Variants in SPATA6 observed in about 807,000 individuals in gnomAD.
SPATA6 encodes spermatogenesis associated 6, also known as spermatogenesis-associated protein 6.
Under a neutral mutation model 65.3 loss-of-function variants are expected in SPATA6, and 56 were observed. That is an observed-to-expected ratio of 0.86 (90% confidence interval 0.69 to 1.07). SPATA6 has a LOEUF of 1.07. SPATA6 is among the 50% of genes least tolerant of loss of function. The pLI is 0.00. For synonymous variants in SPATA6, 199 were observed against 213.2 expected (o/e 0.93, Z 0.58); for missense variants, 590 against 594.8 (o/e 0.99, Z 0.08).
At chr1:48,411,814 A>G (rs140909041) in intron 4 of SPATA6, among the ~76,000 whole-genome samples, 160 of 152,180 alleles carry the variant, frequency 1.1e-3, no homozygotes, top group African/African-American at 3.8e-3. Context: ...TCCAACATTT[A>G]TATGTCAGTT....
the SPATA6 span, among the ~76,000 whole-genome samples, chr1:48,269,434 G>T: frequency 6.6e-6 from 1 of 152,102 alleles, no homozygotes; most frequent in Non-Finnish European, 1.5e-5. Flanking sequence ...GAAATCCAGG[G>T]TCTGTTCAAC....
chr1:48,340,637 A>C (rs892255282), intron 11 of SPATA6, among the ~76,000 whole-genome samples: 1 of 151,922 alleles, frequency 6.6e-6, no homozygotes, highest in Non-Finnish European at 1.5e-5. Flanking sequence ...ATAAAGTATG[A>C]AGGAGATAAA....
intron 5 of SPATA6, among the ~76,000 whole-genome samples, chr1:48,406,934 T>C (rs936848254): frequency 2.6e-5 from 4 of 152,196 alleles, no homozygotes; most frequent in Admixed American, 6.5e-5. Flanking sequence ...GACTTACAGA[T>C]GATTATGCAG....
Position 48,435,146 on chromosome 1 carries a change from A to T in SPATA6, c.238+16406T>A, listed in dbSNP as rs77800465. Among the ~76,000 whole-genome samples, 26 of 152,302 alleles carry T rather than the reference A, an allele frequency of 1.7e-4. 1 individual carries two copies. In the East Asian group the frequency reaches 3.9e-3, roughly 23 times the overall value. ...ATAATACTAATGTACTGACACTAAT[A>T]ATACATCACCAATAATAATAAACAA... On this transcript the variant is annotated intron_variant, in intron 3 of 12. Transcript: ENST00000371847.
At chr1:48,399,028 T>C (rs918473784) in intron 7 of SPATA6, 2 of 207,164 alleles carry the variant, frequency 9.7e-6, no homozygotes, top group Non-Finnish European at 1.9e-5. Context: ...AGCCCTACTC[T>C]GCCATTTTAG....
chr1:48,323,237 C>T (rs1645651460), intron 11 of SPATA6, among the ~76,000 whole-genome samples: 1 of 152,056 alleles, frequency 6.6e-6, no homozygotes. Context: ...TACTATGCAG[C>T]CATAAAAATG....
Position 48,325,451 on chromosome 1 carries a change from T to C in SPATA6, c.1195-19573A>G, listed in dbSNP as rs1288416416. 8.1e-6 allele frequency: 10 copies of C among 1,234,992 alleles called. No homozygotes were observed. The East Asian group carries it at 9.4e-5, about 12-fold the overall frequency. 76.5% of individuals were successfully genotyped at this position (1,234,992 alleles called of 1,614,324 possible). The stretch of plus-strand genomic sequence containing the variant: ...TGACTGGGACCACTGCAGTTTGCAC[T>C]ATGTTCCTGAATCGACAAACTGAGG... On this transcript the variant is annotated intron_variant, in intron 11 of 12. Transcript: ENST00000371847.
chr1:48,278,492 C>G, the SPATA6 span, among the ~76,000 whole-genome samples: 1 of 152,146 alleles, frequency 6.6e-6, no homozygotes, highest in African/African-American at 2.4e-5. Flanking sequence ...CTTAAAGGAG[C>G]TGATGGAGCT....
chr1:48,424,187 C>A (rs1041254494), intron 3 of SPATA6, among the ~76,000 whole-genome samples: 2 of 152,170 alleles, frequency 1.3e-5, no homozygotes, highest in Non-Finnish European at 2.9e-5. Context: ...TCCTTCTACT[C>A]TTATCTCCAT....
At chr1:48,273,080 GTTGA>G in the SPATA6 span, among the ~76,000 whole-genome samples, 2 of 152,052 alleles carry the variant, frequency 1.3e-5, no homozygotes, top group Admixed American at 6.6e-5. Context: ...TTTACATTTT[GTTGA>G]TTGTTTGCTA....
At chr1:48,471,228 G>A (rs1204465942) in intron 1 of SPATA6, among the ~76,000 whole-genome samples, 2 of 152,194 alleles carry the variant, frequency 1.3e-5, no homozygotes, top group Non-Finnish European at 2.9e-5. Flanking sequence ...ATCCTCTTGA[G>A]CAAGTCTGGA....
intron 7 of SPATA6, among the ~76,000 whole-genome samples, chr1:48,397,501 A>C (rs1436973355): frequency 6.6e-6 from 1 of 151,700 alleles, no homozygotes; most frequent in Non-Finnish European, 1.5e-5. Flanking sequence ...CTTTAAGATG[A>C]AAGAATCTTG....
At chr1:48,438,080 A>G (rs910675230) in intron 3 of SPATA6, among the ~76,000 whole-genome samples, 1 of 152,136 alleles carries the variant, frequency 6.6e-6, no homozygotes, top group Admixed American at 6.5e-5. Flanking sequence ...CAACCCGCTC[A>G]GGTCCCCTTC....
intron 3 of SPATA6, among the ~76,000 whole-genome samples, chr1:48,426,313 C>G (rs1653834720): frequency 6.6e-6 from 1 of 152,090 alleles, no homozygotes; most frequent in South Asian, 2.1e-4. Flanking sequence ...TTGTTCATTT[C>G]AATAGCAGGT....
chr1:48,376,044 C>CA (rs1647856991), intron 9 of SPATA6, among the ~76,000 whole-genome samples: 1 of 152,008 alleles, frequency 6.6e-6, no homozygotes, highest in Non-Finnish European at 1.5e-5. Context: ...ATGTTAAAAC[C>CA]ATTTGCCTTT....
At chr1:48,354,467 A>T (rs1436347130) in intron 11 of SPATA6, among the ~76,000 whole-genome samples, 1 of 152,128 alleles carries the variant, frequency 6.6e-6, no homozygotes, top group Non-Finnish European at 1.5e-5. Context: ...GCCCAAACCC[A>T]AAACAAACCA....
At chr1:48,309,827 T>C (rs1011507236) in intron 11 of SPATA6, among the ~76,000 whole-genome samples, 2 of 152,208 alleles carry the variant, frequency 1.3e-5, no homozygotes, top group African/African-American at 2.4e-5. Flanking sequence ...CAGACATTTC[T>C]ATAAACGCTT....
intron 9 of SPATA6, among the ~76,000 whole-genome samples, chr1:48,367,988 G>C (rs369055882): frequency 0.027 from 4,097 of 152,166 alleles, 103 homozygotes; most frequent in African/African-American, 0.068. Context: ...TAGGGCAGGC[G>C]TGGTGGTGAC....
At chr1:48,401,697 G>A (rs1003313455) in intron 6 of SPATA6, among the ~76,000 whole-genome samples, 3 of 151,964 alleles carry the variant, frequency 2.0e-5, no homozygotes, top group African/African-American at 7.2e-5. Flanking sequence ...TCCTTCCCTG[G>A]GCAAAACATC....
Sources: allele counts gnomAD v4.1 joint callset (sites outside exome capture counted in the v4.1 genomes callset), GRCh38; gene constraint gnomAD v4.1.1; transcripts MANE v1.5; gene names NCBI Gene and HGNC (gene_info 2026-07-23, HGNC 2026-07-21).